CNTNAP5: variants seen among roughly 807,000 people sequenced by gnomAD.
CNTNAP5 encodes contactin-associated protein-like 5.
A neutral mutation model predicts 150.2 loss-of-function variants in CNTNAP5; 72 were observed. That is an observed-to-expected ratio of 0.48 (90% CI 0.40 to 0.58). The LOEUF is 0.58. Ranked by LOEUF, CNTNAP5 falls within the 20% of genes least tolerant of loss-of-function variation. CNTNAP5 has a pLI of 0.00. For synonymous variants in CNTNAP5, 672 were observed against 619.8 expected (o/e 1.08, Z -1.25); for missense variants, 1,636 against 1,626.2 (o/e 1.01, Z -0.10).
At chr2:124,097,920 T>C (rs1200976367) in intron 1 of CNTNAP5, among the ~76,000 whole-genome samples, 3 of 152,012 alleles carry the variant, frequency 2.0e-5, no homozygotes, top group Non-Finnish European at 2.9e-5. Flanking sequence ...CCCAGCTACT[T>C]GGGAGGCTGA....
At chr2:124,869,851 C>A in intron 21 of CNTNAP5, 89 bp downstream of exon 21, 1 of 766,150 alleles carries the variant, frequency 1.3e-6, no homozygotes, top group Non-Finnish European at 2.1e-6. Flanking sequence ...GGATTCAGGT[C>A]TGGAGCCTTT....
At chr2:124,620,213 A>G (rs905882409) in intron 12 of CNTNAP5, among the ~76,000 whole-genome samples, 4 of 152,098 alleles carry the variant, frequency 2.6e-5, no homozygotes, top group African/African-American at 9.7e-5. Context: ...CTGAGAAATC[A>G]CTGCCAAATT....
intron 3 of CNTNAP5, among the ~76,000 whole-genome samples, chr2:124,388,490 G>T (rs1690992436): frequency 6.6e-6 from 1 of 152,204 alleles, no homozygotes; most frequent in African/African-American, 2.4e-5. Flanking sequence ...AGCTTAGGGA[G>T]CCAGCCTTAA....
chr2:124,079,369 C>G (rs1682507616), intron 1 of CNTNAP5, among the ~76,000 whole-genome samples: 1 of 152,182 alleles, frequency 6.6e-6, no homozygotes, highest in South Asian at 2.1e-4. Context: ...AAGCTCCAGG[C>G]ACTCTGCTCT....
chr2:124,840,503 C>G (rs758041662), intron 19 of CNTNAP5, among the ~76,000 whole-genome samples: 1 of 152,028 alleles, frequency 6.6e-6, no homozygotes, highest in Non-Finnish European at 1.5e-5. Flanking sequence ...ATCCAGCAAA[C>G]GAAAGGTGGA....
intron 1 of CNTNAP5, among the ~76,000 whole-genome samples, chr2:124,040,205 C>T (rs1305839557): frequency 6.6e-6 from 1 of 151,992 alleles, no homozygotes; most frequent in Non-Finnish European, 1.5e-5. Context: ...ATTTTTATAC[C>T]TCTTTCACAT....
chr2:124,087,211 T>C (rs1682712570), intron 1 of CNTNAP5, among the ~76,000 whole-genome samples: 1 of 151,862 alleles, frequency 6.6e-6, no homozygotes, highest in Non-Finnish European at 1.5e-5. Context: ...CCAAACATAA[T>C]TTAGAAAACT....
chr2:124,247,225 A>G (rs1687052990), intron 3 of CNTNAP5, among the ~76,000 whole-genome samples: 2 of 152,130 alleles, frequency 1.3e-5, no homozygotes, highest in Non-Finnish European at 1.5e-5. Context: ...TAACCCTACC[A>G]ATTTCAGAAA....
At chr2:124,393,445 G>C (rs1468196281) in intron 3 of CNTNAP5, among the ~76,000 whole-genome samples, 1 of 152,114 alleles carries the variant, frequency 6.6e-6, no homozygotes, top group Non-Finnish European at 1.5e-5. Flanking sequence ...AGACTTAACT[G>C]TAAGGCTTGG....
At chr2:124,190,172 T>A (rs1029155115) in intron 1 of CNTNAP5, among the ~76,000 whole-genome samples, 4 of 152,216 alleles carry the variant, frequency 2.6e-5, no homozygotes, top group African/African-American at 9.6e-5. Flanking sequence ...TCTCTTTTTA[T>A]TCCATAATGT....
At chr2:124,828,199 T>C (rs1162551069) in intron 19 of CNTNAP5, among the ~76,000 whole-genome samples, 1 of 152,112 alleles carries the variant, frequency 6.6e-6, no homozygotes, top group African/African-American at 2.4e-5. Context: ...AATATGGTAT[T>C]GGCCAGACGC....
intron 17 of CNTNAP5, among the ~76,000 whole-genome samples, chr2:124,786,459 GAAA>G (rs879543071): frequency 0.021 from 2,284 of 107,182 alleles, 65 homozygotes; most frequent in Non-Finnish European, 0.026. Context: ...AAGAAAGAAA[GAAA>G]GAAAGGAAGG....
At chr2:124,499,424 G>T (rs1465851271) in intron 7 of CNTNAP5, among the ~76,000 whole-genome samples, 1 of 152,216 alleles carries the variant, frequency 6.6e-6, no homozygotes, top group Non-Finnish European at 1.5e-5. Context: ...AAGCCCAGAA[G>T]GCTTGCTGGG....
chr2:124,578,031 C>T (rs891860886), intron 11 of CNTNAP5, among the ~76,000 whole-genome samples: 34 of 151,556 alleles, frequency 2.2e-4, no homozygotes, highest in Non-Finnish European at 2.4e-4. Context: ...TGAACATGGC[C>T]GGGCACGGTG....
chr2:124,188,771 G>A (rs1685394143), intron 1 of CNTNAP5, among the ~76,000 whole-genome samples: 1 of 146,026 alleles, frequency 6.8e-6, no homozygotes, highest in African/African-American at 2.5e-5. Flanking sequence ...GAGAGAGAAA[G>A]AGAGAGAGAC....
intron 19 of CNTNAP5, among the ~76,000 whole-genome samples, chr2:124,817,595 T>C (rs1012380417): frequency 1.3e-5 from 2 of 152,180 alleles, no homozygotes; most frequent in Non-Finnish European, 2.9e-5. Flanking sequence ...ATAAAACTCA[T>C]TGGATGATTC....
intron 13 of CNTNAP5, among the ~76,000 whole-genome samples, chr2:124,714,186 G>A (rs112483518): frequency 1.7e-3 from 251 of 151,740 alleles, no homozygotes; most frequent in Non-Finnish European, 1.5e-3. Flanking sequence ...GAGTGTAAGG[G>A]CCTTGTAAGC....
chr2:124,390,664 C>T (rs1691087768), intron 3 of CNTNAP5, among the ~76,000 whole-genome samples: 1 of 152,252 alleles, frequency 6.6e-6, no homozygotes, highest in Admixed American at 6.5e-5. Context: ...ACAGAAAATG[C>T]CCATTTAGCT....
intron 12 of CNTNAP5, among the ~76,000 whole-genome samples, chr2:124,640,687 A>T (rs1475998506): frequency 6.6e-6 from 1 of 152,162 alleles, no homozygotes; most frequent in East Asian, 1.9e-4. Context: ...GGCGGGGGGA[A>T]GGTGCAATGT....
Sources: gnomAD v4.1 joint callset for allele counts (sites outside exome capture counted in the v4.1 genomes callset) on GRCh38, gnomAD v4.1.1 for gene constraint, MANE v1.5 for transcripts, NCBI Gene and HGNC (gene_info 2026-07-23, HGNC 2026-07-21) for gene names.